The following STAMBP variants were observed in gnomAD, a reference collection of about 807,000 sequenced individuals.
The protein encoded by STAMBP is STAM binding protein.
In STAMBP, 31 loss-of-function variants were observed where a neutral mutation model predicts 50.7. The observed-to-expected ratio is 0.61, with a 90% CI of 0.46 to 0.83. STAMBP has a LOEUF of 0.83. Among genes scored for constraint, STAMBP ranks in the 40% least tolerant of loss-of-function variants. The pLI, the probability that STAMBP is intolerant of heterozygous loss-of-function variation, is 0.00. For missense variants in STAMBP, 472 were observed against 518.9 expected, an observed-to-expected ratio of 0.91 and a Z score of 0.88; for synonymous variants, 211 against 192.4, an observed-to-expected ratio of 1.10 and a Z score of -0.80.
Position 73,844,895 on chromosome 2 carries a change from C to G in STAMBP, c.279+7C>G. On this transcript the variant is annotated splice_region_variant and intron_variant, in intron 3 of 9. Transcript: ENST00000394070. ...AAAGAAAGACACAGTAAAGGTGGGT[C>G]TTCACTTTCATTGTTGCCCATCTAA... 6.2e-7 allele frequency: 1 copy of G among 1,613,190 alleles called. No individual in the cohort carries two copies. The highest frequency in any genetic ancestry group is 8.5e-7 in the Non-Finnish European group (1 of 1,179,790).
At chr2:73,869,450 C>T (rs746170541), downstream of STAMBP, among the ~76,000 whole-genome samples, 2 of 152,242 alleles carry the variant, frequency 1.3e-5, no homozygotes, top group East Asian at 1.9e-4. Flanking sequence ...AAAGATGCTA[C>T]GTCTTCTTTA....
chr2:73,833,329 G>A (rs539832347), intron 2 of STAMBP, among the ~76,000 whole-genome samples: 74 of 152,266 alleles, frequency 4.9e-4, no homozygotes, highest in Non-Finnish European at 8.8e-4. Flanking sequence ...CTTAACACCT[G>A]TTTCCTTAAA....
downstream of STAMBP, chr2:73,870,087 A>G (rs1679142574): frequency 6.6e-6 from 1 of 152,244 alleles, no homozygotes; most frequent in African/African-American, 2.4e-5. Context: ...ATGTACTACA[A>G]AGAACATGTA....
chr2:73,860,427 T>G (rs905364483), intron 9 of STAMBP: 1 of 566,372 alleles, frequency 1.8e-6, no homozygotes, highest in South Asian at 4.6e-5. Flanking sequence ...ACACCTACTT[T>G]ATAGGGTTCT....
At chr2:73,840,637 G>C (rs758038444) in intron 2 of STAMBP, among the ~76,000 whole-genome samples, 28 of 151,632 alleles carry the variant, frequency 1.8e-4, no homozygotes, top group East Asian at 5.8e-4. Context: ...GCAGCTACTC[G>C]GGAGGCTGAG....
intron 2 of STAMBP, among the ~76,000 whole-genome samples, chr2:73,843,101 C>T (rs1479537953): frequency 6.6e-6 from 1 of 151,142 alleles, no homozygotes; most frequent in Non-Finnish European, 1.5e-5. Flanking sequence ...TCTTATTTAT[C>T]TTAATAGATT....
At chr2:73,847,844 C>T in intron 5 of STAMBP, 91 bp downstream of exon 5, 1 of 1,478,594 alleles carries the variant, frequency 6.8e-7, no homozygotes, top group Non-Finnish European at 9.1e-7. Context: ...CTCCCTGATC[C>T]CACTCATTAA....
intron 2 of STAMBP, among the ~76,000 whole-genome samples, chr2:73,836,736 C>G (rs1338129542): frequency 6.6e-6 from 1 of 152,196 alleles, no homozygotes; most frequent in Non-Finnish European, 1.5e-5. Context: ...CTCAGCTGAG[C>G]TTGAGTAAGC....
chr2:73,837,568 G>A (rs1485514729), intron 2 of STAMBP, among the ~76,000 whole-genome samples: 1 of 103,404 alleles, frequency 9.7e-6, no homozygotes, highest in African/African-American at 3.9e-5. Flanking sequence ...CTGGGCAACA[G>A]AGCGAGACTC....
rs996503532 is a variant in STAMBP at position 73,859,963 on chromosome 2, G to C, written c.1119-89G>C. 4 of 866,764 alleles carry C rather than the reference G, an allele frequency of 4.6e-6. No homozygotes were observed. The Admixed American group carries it at 5.7e-5, about 12-fold the overall frequency. The allele number at this position is 866,764 out of a possible 1,614,324, so 53.7% of individuals were successfully genotyped here. A position where few individuals can be genotyped will look rare whatever the true frequency, so the allele number is the denominator to read the frequency against. ...CAATGACCTCTGCCCTGCTGTGTGA[G>C]TGTGCATGCTGGTGTGTGTGTGCGT... On this transcript the variant is annotated intron_variant, in intron 8 of 9. Coordinates refer to ENST00000394070, the MANE Select transcript of STAMBP (RefSeq NM_213622.4).
intron 2 of STAMBP, among the ~76,000 whole-genome samples, chr2:73,843,185 ATCTT>A (rs1468448964): frequency 7.3e-6 from 1 of 136,208 alleles, no homozygotes; most frequent in Non-Finnish European, 1.5e-5. Context: ...ACTGTTTTAT[ATCTT>A]TCTTTTTTTT....
chr2:73,846,686 C>A (rs184198497), intron 4 of STAMBP, among the ~76,000 whole-genome samples: 182 of 151,482 alleles, frequency 1.2e-3, no homozygotes, highest in African/African-American at 4.3e-3. Context: ...GGATCTGGTT[C>A]TATTTTATAG....
At chr2:73,861,633 C>G (rs923636140) in intron 9 of STAMBP, among the ~76,000 whole-genome samples, 5 of 151,898 alleles carry the variant, frequency 3.3e-5, no homozygotes, top group African/African-American at 1.2e-4. Flanking sequence ...ATTCTGCTGC[C>G]TCAGCCTCTC....
At chr2:73,867,303 A>G (rs1678991121), downstream of STAMBP, 1 of 152,184 alleles carries the variant, frequency 6.6e-6, no homozygotes, top group Non-Finnish European at 1.5e-5. Context: ...TCATCCCAGC[A>G]GGAGGCCAAG....
chr2:73,845,090 AACTTG>A (rs1408315627), intron 3 of STAMBP, 72 bp from the exon 4 acceptor site: 13 of 1,586,940 alleles, frequency 8.2e-6, no homozygotes, highest in Non-Finnish European at 1.1e-5. Context: ...TGCAGTCACC[AACTTG>A]ACTTAAGTCT....
chr2:73,868,937 T>A (rs1679084467), downstream of STAMBP, among the ~76,000 whole-genome samples: 1 of 152,140 alleles, frequency 6.6e-6, no homozygotes, highest in Admixed American at 6.5e-5. Flanking sequence ...AATCTTCTAA[T>A]ATATAACACC....
intron 2 of STAMBP, 42 bp downstream of exon 2, chr2:73,831,101 T>A: frequency 6.5e-7 from 1 of 1,540,854 alleles, no homozygotes; most frequent in Non-Finnish European, 9.0e-7. Context: ...TGGTGACTGG[T>A]GCCTCGCCTA....
In STAMBP at chr2:73,851,732, C is replaced by T. The variant is rs13388787; in HGVS notation, c.1005+1219C>T. Among the ~76,000 whole-genome samples the T allele has an allele frequency of 3.3e-3, 499 of 152,020 alleles. 2 individuals carry two copies. Among genetic ancestry groups the T allele is most frequent in the African/African-American group, 0.011 (453 of 41,438 alleles). ...TTGGCTCACTGCAACCTCCACCTCC[C>T]GGATTCAAGCGATTCTCCTACCTCA... On this transcript the variant is annotated intron_variant, in intron 7 of 9. Coordinates refer to ENST00000394070, the MANE Select transcript of STAMBP (RefSeq NM_213622.4).
intron 10 of STAMBP, among the ~76,000 whole-genome samples, chr2:73,872,521 GCT>G (rs1679240567): frequency 6.7e-6 from 1 of 150,282 alleles, no homozygotes; most frequent in Admixed American, 6.6e-5. Flanking sequence ...TAGATGTTAC[GCT>G]CTCTGTCCTC....
Sources: gnomAD v4.1 joint callset for allele counts (sites outside exome capture counted in the v4.1 genomes callset) on GRCh38, gnomAD v4.1.1 for gene constraint, MANE v1.5 for transcripts, NCBI Gene and HGNC (gene_info 2026-07-23, HGNC 2026-07-21) for gene names.